Variants in PTPRN2 observed in about 807,000 individuals in gnomAD.
PTPRN2 encodes the protein protein tyrosine phosphatase receptor type N2, also known as receptor-type tyrosine-protein phosphatase N2.
PTPRN2 carries 74 observed loss-of-function variants against 118.8 expected under a neutral mutation model. The ratio of observed to expected loss-of-function variants is 0.62; its 90% CI spans 0.52 to 0.76. PTPRN2 has a LOEUF of 0.76. PTPRN2 is among the 30% of genes least tolerant of loss of function. The pLI is 0.00. For missense variants in PTPRN2, 1,481 were observed against 1,394.4 expected (o/e 1.06, Z -0.99); for synonymous variants, 641 against 608.0 (o/e 1.05, Z -0.80).
rs966207459 is a variant in PTPRN2, at chr7:158,003,084, C to T, written c.1723+78214G>A. Among the ~76,000 whole-genome samples the T allele has an allele frequency of 2.6e-5, 4 of 152,136 alleles. No homozygotes were observed. Among genetic ancestry groups the T allele is most frequent in the African/African-American group, 7.2e-5 (3 of 41,428 alleles). On this transcript the variant is annotated intron_variant, in intron 11 of 22. Coordinates refer to ENST00000389418, the MANE Select transcript of PTPRN2 (RefSeq NM_002847.5). The surrounding 1 kb of genome is among the most constrained non-coding windows in gnomAD (Gnocchi z 5.0). ...AAAATCCACAGGGGAAGCCCTGAAC[C>T]CTCATGTGACTGTACTTGGGGACAG... is the stretch of plus-strand genomic sequence containing the variant.
chr7:157,807,251 G>T (rs545827493), intron 12 of PTPRN2, among the ~76,000 whole-genome samples: 39 of 152,222 alleles, frequency 2.6e-4, no homozygotes, highest in Non-Finnish European at 4.7e-4. Flanking sequence ...GCCCTCTTGA[G>T]ATGGGTTGGG....
rs535317728 is a variant in PTPRN2, at chr7:157,945,291, C to G, written c.1724-46554G>C. ...CACATCCCCACCTGCACTGGGTTCT[C>G]CTTCCAGACTCACAGCCTCCGCCTG... On this transcript the variant is annotated intron_variant, in intron 11 of 22. Coordinates refer to ENST00000389418, the MANE Select transcript of PTPRN2 (RefSeq NM_002847.5). Among the ~76,000 whole-genome samples, 224 of 152,240 alleles carry G rather than the reference C, an allele frequency of 1.5e-3. 3 individuals carry two copies. Among genetic ancestry groups the G allele is most frequent in the African/African-American group, 5.0e-3 (208 of 41,544 alleles).
At chr7:157,548,898 A>G (rs374168773) in intron 22 of PTPRN2, 48 bp downstream of exon 22, 94 of 1,562,380 alleles carry the variant, frequency 6.0e-5, no homozygotes, top group Non-Finnish European at 8.1e-5. Context: ...ACGGCCGCAG[A>G]GAGGCACCTT....
chr7:158,450,839 C>T lies in PTPRN2; in HGVS notation c.163+38896G>A, dbSNP rs746215704. Among the ~76,000 whole-genome samples, 17 of 152,238 alleles carry T rather than the reference C, an allele frequency of 1.1e-4. No homozygotes were observed. In the South Asian group the frequency reaches 1.2e-3, roughly 11 times the overall value. ...TTGCGCATCTCCCTGACCAGGCGTA[C>T]GTGTGCTTCTGCTGCGTGGAGGGCA... On this transcript the variant is annotated intron_variant, in intron 2 of 22. Coordinates refer to ENST00000389418, the MANE Select transcript of PTPRN2 (RefSeq NM_002847.5).
intron 11 of PTPRN2, among the ~76,000 whole-genome samples, chr7:157,920,552 G>A (rs6955644): frequency 0.78 from 119,088 of 152,144 alleles, 46,982 homozygotes; most frequent in African/African-American, 0.86. Flanking sequence ...CAAATGCTGA[G>A]ATGTTTGAGA....
chr7:158,070,984 T>TGGTGGTGGAGGTGCTCAC (rs1811362214), intron 11 of PTPRN2, among the ~76,000 whole-genome samples: 2 of 100,480 alleles, frequency 2.0e-5, no homozygotes, highest in Non-Finnish European at 1.9e-5. Context: ...GAGGTGCCCG[T>TGGTGGTGGAGGTGCTCAC]GGTGGTGGAG....
intron 11 of PTPRN2, among the ~76,000 whole-genome samples, chr7:158,018,887 G>C (rs1478195343): frequency 6.6e-6 from 1 of 150,686 alleles, no homozygotes; most frequent in Non-Finnish European, 1.5e-5. Context: ...TTTGAACCCA[G>C]GGGCAGAGGT....
chr7:158,326,014 A>G (rs1803485697), intron 2 of PTPRN2, among the ~76,000 whole-genome samples: 2 of 152,174 alleles, frequency 1.3e-5, no homozygotes, highest in Admixed American at 1.3e-4. Flanking sequence ...CACTGAACCC[A>G]GAGCCTAGAA....
chr7:158,182,422 G>A (rs1824792908), intron 5 of PTPRN2, among the ~76,000 whole-genome samples: 1 of 152,098 alleles, frequency 6.6e-6, no homozygotes, highest in Non-Finnish European at 1.5e-5. Flanking sequence ...GTATATGTGT[G>A]CCATGGTGGT....
At chr7:157,581,657 T>C (rs1800388402) in intron 17 of PTPRN2, among the ~76,000 whole-genome samples, 1 of 152,228 alleles carries the variant, frequency 6.6e-6, no homozygotes, top group East Asian at 1.9e-4. Flanking sequence ...TCGGCTGTTA[T>C]TTGACCCAAC....
chr7:157,844,929 C>T (rs1022730714), intron 12 of PTPRN2, among the ~76,000 whole-genome samples: 7 of 152,154 alleles, frequency 4.6e-5, no homozygotes, highest in South Asian at 2.1e-4. Context: ...ATTTCAGGGG[C>T]GTTTTTCTTA....
intron 5 of PTPRN2, among the ~76,000 whole-genome samples, chr7:158,171,720 C>G (rs1823721241): frequency 1.3e-5 from 2 of 152,154 alleles, no homozygotes; most frequent in African/African-American, 4.8e-5. Context: ...TCCAATTAGA[C>G]TTTTTCTTCT....
intron 11 of PTPRN2, among the ~76,000 whole-genome samples, chr7:158,014,677 C>G (rs1585204150): frequency 6.6e-6 from 1 of 151,852 alleles, no homozygotes; most frequent in East Asian, 1.9e-4. Context: ...ATCTATTTAC[C>G]CATCCATTTC....
At chr7:158,495,961 G>A (rs1821811373) in intron 1 of PTPRN2, among the ~76,000 whole-genome samples, 1 of 152,050 alleles carries the variant, frequency 6.6e-6, no homozygotes, top group African/African-American at 2.4e-5. Context: ...TGACAAGAGG[G>A]AGGCAGCCCT....
intron 11 of PTPRN2, among the ~76,000 whole-genome samples, chr7:158,032,827 C>T (rs547160679): frequency 2.3e-4 from 35 of 152,256 alleles, no homozygotes; most frequent in Non-Finnish European, 3.1e-4. Flanking sequence ...GTGTGGAGGA[C>T]GGTACATCTT....
chr7:157,797,177 G>A (rs1277293890), intron 12 of PTPRN2, among the ~76,000 whole-genome samples: 1 of 152,154 alleles, frequency 6.6e-6, no homozygotes, highest in African/African-American at 2.4e-5. Flanking sequence ...CGGACCTCAG[G>A]TTTCTCTGCA....
intron 2 of PTPRN2, among the ~76,000 whole-genome samples, chr7:158,455,020 G>A (rs1188086907): frequency 6.6e-6 from 1 of 152,114 alleles, no homozygotes; most frequent in Non-Finnish European, 1.5e-5. Context: ...GCCAAGCACA[G>A]AACCCACTTC....
intron 1 of PTPRN2, among the ~76,000 whole-genome samples, chr7:158,549,178 A>G (rs1032540905): frequency 6.6e-6 from 1 of 152,256 alleles, no homozygotes; most frequent in African/African-American, 2.4e-5. Flanking sequence ...CATTGTCTGC[A>G]TAAATGATTC....
At chr7:158,289,577 T>C (rs1301989533) in intron 3 of PTPRN2, among the ~76,000 whole-genome samples, 3 of 152,252 alleles carry the variant, frequency 2.0e-5, no homozygotes, top group Non-Finnish European at 4.4e-5. Flanking sequence ...TTTTATTGAA[T>C]TGTTTTTCTA....
Sources: gnomAD v4.1 joint callset for allele counts (sites outside exome capture counted in the v4.1 genomes callset) on GRCh38, gnomAD v4.1.1 for gene constraint, Gnocchi (gnomAD v3.1) non-coding constraint, MANE v1.5 for transcripts, NCBI Gene and HGNC (gene_info 2026-07-23, HGNC 2026-07-21) for gene names.